The following ACVR1B variants were observed in gnomAD, a reference collection of about 807,000 sequenced individuals.
The protein encoded by ACVR1B is activin A receptor type 1B.
ACVR1B carries 15 observed loss-of-function variants against 55.6 expected under a neutral mutation model. The ratio of observed to expected loss-of-function variants is 0.27; its 90% CI spans 0.18 to 0.42. The LOEUF (loss-of-function observed/expected upper bound fraction) is 0.42, where lower values mean the gene tolerates loss of function less well. ACVR1B is among the 10% of genes least tolerant of loss of function. The probability of loss-of-function intolerance (pLI) is 1.00; values close to 1 mark genes in which losing one functional copy is unlikely to be tolerated. For missense variants in ACVR1B, 359 were observed against 670.1 expected (o/e 0.54, Z 5.13); for synonymous variants, 247 against 254.6 (o/e 0.97, Z 0.28).
intron 1 of ACVR1B, among the ~76,000 whole-genome samples, chr12:51,974,907 G>A (rs1314684644): frequency 6.6e-6 from 1 of 152,294 alleles, no homozygotes; most frequent in East Asian, 1.9e-4. Context: ...GATAGGGCTG[G>A]TGATAGCTCC....
At chr12:51,960,429 A>G (rs2120460109) in intron 1 of ACVR1B, among the ~76,000 whole-genome samples, 1 of 152,328 alleles carries the variant, frequency 6.6e-6, no homozygotes, top group African/African-American at 2.4e-5. Context: ...CTCAAAAAAA[A>G]AAGTTTACAC....
intron 3 of ACVR1B, among the ~76,000 whole-genome samples, chr12:51,979,159 G>A (rs1248081828): frequency 3.3e-5 from 3 of 90,722 alleles, no homozygotes; most frequent in African/African-American, 1.0e-4. Flanking sequence ...GCAAAGCTCC[G>A]TCTCAAAAAA....
chr12:51,983,911 T>A, intron 4 of ACVR1B, 88 bp from the exon 5 acceptor site: 1 of 1,392,134 alleles, frequency 7.2e-7, no homozygotes, highest in Non-Finnish European at 1.0e-6. Context: ...CTAACCTGAT[T>A]TTGTGTTGTA....
chr12:51,960,706 A>G (rs949776998), intron 1 of ACVR1B, among the ~76,000 whole-genome samples: 14 of 152,192 alleles, frequency 9.2e-5, no homozygotes, highest in African/African-American at 3.4e-4. Flanking sequence ...TGTGCTCTAA[A>G]TATTGTACTG....
rs1228391924 is a variant in ACVR1B at position 51,995,538 on chromosome 12, CT to C, written c.*1432del. The C allele has an allele frequency of 6.6e-6, 1 of 152,460 alleles. No individual in the cohort carries two copies. The highest frequency in any genetic ancestry group is 2.4e-5 in the African/African-American group (1 of 41,382). 9.4% of individuals were successfully genotyped at this position (152,460 alleles called of 1,614,324 possible). On this transcript the variant is annotated 3_prime_UTR_variant, in exon 9 of 9. Transcript: ENST00000257963. ...GTATATAATAACTTTGAAGCCATAA[CT>C]TTTAACTGGAGTGGTTTGATTTCTT... is the stretch of plus-strand genomic sequence containing the variant.
chr12:51,961,315 T>G (rs2120467288), intron 1 of ACVR1B, among the ~76,000 whole-genome samples: 1 of 152,358 alleles, frequency 6.6e-6, no homozygotes, highest in South Asian at 2.1e-4. Flanking sequence ...TTAATTCATT[T>G]CTTTTCCATC....
intron 1 of ACVR1B, among the ~76,000 whole-genome samples, chr12:51,965,651 T>C (rs1181348752): frequency 1.3e-5 from 2 of 152,076 alleles, no homozygotes; most frequent in African/African-American, 2.4e-5. Context: ...CGAGGTCCTT[T>C]CCTTATATGG....
At chr12:51,985,372 C>T in intron 6 of ACVR1B, 24 bp downstream of exon 6, 1 of 1,591,986 alleles carries the variant, frequency 6.3e-7, no homozygotes, top group South Asian at 1.1e-5. Context: ...GGACTCTGCC[C>T]TTGCTAAGCA....
At chr12:51,970,444 T>C (rs1315954276) in intron 1 of ACVR1B, among the ~76,000 whole-genome samples, 1 of 152,164 alleles carries the variant, frequency 6.6e-6, no homozygotes, top group Non-Finnish European at 1.5e-5. Flanking sequence ...CAGGAGAGGA[T>C]GAAAGTGAAA....
At chr12:51,972,737 G>A (rs950041964) in intron 1 of ACVR1B, among the ~76,000 whole-genome samples, 2 of 152,170 alleles carry the variant, frequency 1.3e-5, no homozygotes, top group Admixed American at 6.5e-5. Context: ...CTTTTCAGGG[G>A]TATGGGCAGC....
chr12:51,976,013 G>A (rs906743303), intron 2 of ACVR1B, among the ~76,000 whole-genome samples: 1 of 152,218 alleles, frequency 6.6e-6, no homozygotes, highest in Admixed American at 6.5e-5. Context: ...GAGCTTAGAG[G>A]AGCTGTGGGA....
intron 1 of ACVR1B, 45 bp downstream of exon 1, chr12:51,951,879 G>A (rs1403356742): frequency 2.5e-6 from 3 of 1,181,548 alleles, no homozygotes; most frequent in African/African-American, 1.6e-5. Context: ...GAGAGGGCCC[G>A]GCAAGGGCGA....
chr12:51,964,994 AAAC>A (rs1281812187), intron 1 of ACVR1B, among the ~76,000 whole-genome samples: 1 of 151,904 alleles, frequency 6.6e-6, no homozygotes, highest in Non-Finnish European at 1.5e-5. Context: ...TTCTGGAAAA[AAAC>A]AAAAAAAAGG....
At chr12:51,974,508 C>T (rs1045439243) in intron 1 of ACVR1B, among the ~76,000 whole-genome samples, 21 of 151,682 alleles carry the variant, frequency 1.4e-4, no homozygotes, top group Non-Finnish European at 2.8e-4. Flanking sequence ...GAAAAAAATT[C>T]GTGTGTGTGT....
intron 7 of ACVR1B, among the ~76,000 whole-genome samples, chr12:51,991,491 T>C (rs1266596369): frequency 1.3e-5 from 2 of 152,262 alleles, no homozygotes; most frequent in Admixed American, 1.3e-4. Context: ...AACCTCTGCC[T>C]CCAGGGTTCA....
Position 51,952,387 on chromosome 12 carries a change from CCCTCCCTCCACTG to C in ACVR1B, c.91+561_91+573del, listed in dbSNP as rs1176997184. On this transcript the variant is annotated intron_variant, in intron 1 of 8. Coordinates refer to ENST00000257963, the MANE Select transcript of ACVR1B (RefSeq NM_004302.5). ...GGTCCTGCACTTGGCGTGTTTCTTC[CCCTCCCTCCACTG>C]CCTCCCTAATGTTCTGGGAAAGGGA... Among the ~76,000 whole-genome samples, 3 of 152,264 alleles carry C rather than the reference CCCTCCCTCCACTG, an allele frequency of 2.0e-5. No homozygotes were observed. In the East Asian group the frequency reaches 5.8e-4, roughly 29 times the overall value.
intron 1 of ACVR1B, among the ~76,000 whole-genome samples, chr12:51,960,975 C>CCCGGTCAG (rs1941511315): frequency 1.4e-5 from 2 of 141,490 alleles, no homozygotes; most frequent in Admixed American, 8.6e-5. Context: ...TCAATTTACT[C>CCCGGTCAG]TGAACCCAGT....
chr12:51,964,386 A>T (rs1451947731), intron 1 of ACVR1B, among the ~76,000 whole-genome samples: 1 of 152,212 alleles, frequency 6.6e-6, no homozygotes, highest in South Asian at 2.1e-4. Context: ...TTTCAGATGT[A>T]TGATTTGCGT....
At chr12:51,959,314 TC>T (rs1459692197) in intron 1 of ACVR1B, among the ~76,000 whole-genome samples, 17 of 152,232 alleles carry the variant, frequency 1.1e-4, no homozygotes, top group Admixed American at 9.2e-4. Context: ...AATCAGATGT[TC>T]CAGCTGGCTT....
Sources: gnomAD v4.1 joint callset for allele counts (sites outside exome capture counted in the v4.1 genomes callset) on GRCh38, gnomAD v4.1.1 for gene constraint, MANE v1.5 for transcripts, NCBI Gene and HGNC (gene_info 2026-07-23, HGNC 2026-07-21) for gene names.